The following SLC9A9 variants were observed in gnomAD, a reference collection of about 807,000 sequenced individuals.
The protein encoded by SLC9A9 is sodium/hydrogen exchanger 9.
A neutral mutation model predicts 77.8 loss-of-function variants in SLC9A9; 62 were observed. The observed-to-expected ratio is 0.80, with a 90% confidence interval of 0.65 to 0.98. SLC9A9 has a LOEUF of 0.98. Among genes scored for constraint, SLC9A9 ranks in the 50% least tolerant of loss-of-function variants. The pLI is 0.00. For synonymous variants in SLC9A9, 320 were observed against 283.5 expected (o/e 1.13, Z -1.29); for missense variants, 775 against 774.9 (o/e 1.00, Z 0.00).
intron 14 of SLC9A9, among the ~76,000 whole-genome samples, chr3:143,302,681 A>C (rs529265069): frequency 6.6e-6 from 1 of 152,178 alleles, no homozygotes; most frequent in African/African-American, 2.4e-5. Context: ...CAGAAAGGAC[A>C]GATCCTCCAA....
intron 14 of SLC9A9, among the ~76,000 whole-genome samples, chr3:143,310,935 T>G (rs903310846): frequency 6.6e-6 from 1 of 152,210 alleles, no homozygotes; most frequent in African/African-American, 2.4e-5. Flanking sequence ...TTTGGGAGGA[T>G]GTCTGAAGTC....
In SLC9A9 at chr3:143,578,754, G is replaced by C. The variant is rs374799165; in HGVS notation, c.756-31C>G. On this transcript the variant is annotated intron_variant, in intron 6 of 15. Transcript: ENST00000316549. ...AAGAGAAGAGGGTGGAGGTTAGTTA[G>C]TGACTTTCATCTCATAGCCCAGATA... 7.4e-6 allele frequency: 12 copies of C among 1,613,376 alleles called. No individual in the cohort carries two copies. The African/African-American group carries it at 1.6e-4, about 22-fold the overall frequency.
At chr3:143,696,566 A>G (rs1233163699) in intron 4 of SLC9A9, among the ~76,000 whole-genome samples, 1 of 152,214 alleles carries the variant, frequency 6.6e-6, no homozygotes, top group African/African-American at 2.4e-5. Flanking sequence ...TCATCCCTTC[A>G]GCCTCTTCTG....
At chr3:143,318,290 T>C (rs1435069034) in intron 14 of SLC9A9, among the ~76,000 whole-genome samples, 1 of 152,166 alleles carries the variant, frequency 6.6e-6, no homozygotes, top group Non-Finnish European at 1.5e-5. Flanking sequence ...AATAAACAAC[T>C]GAGAACGATA....
chr3:143,697,893 A>T (rs12490934), intron 4 of SLC9A9, among the ~76,000 whole-genome samples: 71,122 of 152,064 alleles, frequency 0.47, 16,943 homozygotes, highest in South Asian at 0.6. Flanking sequence ...AACATAGCAA[A>T]GGCCATTATC....
chr3:143,706,080 C>T (rs1205854189), intron 4 of SLC9A9, among the ~76,000 whole-genome samples: 1 of 152,192 alleles, frequency 6.6e-6, no homozygotes, highest in South Asian at 2.1e-4. Flanking sequence ...GAGGAGAATT[C>T]CAACAATGTT....
At chr3:143,612,849 C>G (rs2038044788) in intron 6 of SLC9A9, among the ~76,000 whole-genome samples, 1 of 152,118 alleles carries the variant, frequency 6.6e-6, no homozygotes, top group African/African-American at 2.4e-5. Flanking sequence ...AGAATTATCT[C>G]AATAGCAACT....
intron 6 of SLC9A9, among the ~76,000 whole-genome samples, chr3:143,629,962 C>T (rs1361267269): frequency 6.6e-6 from 1 of 152,060 alleles, no homozygotes; most frequent in Non-Finnish European, 1.5e-5. Context: ...GCAGAGAAAT[C>T]ATTTTTGGCA....
intron 14 of SLC9A9, among the ~76,000 whole-genome samples, chr3:143,354,898 A>T (rs2032548436): frequency 6.6e-6 from 1 of 152,220 alleles, no homozygotes; most frequent in South Asian, 2.1e-4. Flanking sequence ...CCTTTATCAC[A>T]GTAAGGTACA....
At chr3:143,696,962 T>G (rs1933659110) in intron 4 of SLC9A9, among the ~76,000 whole-genome samples, 2 of 152,020 alleles carry the variant, frequency 1.3e-5, no homozygotes, top group Admixed American at 1.3e-4. Context: ...TAGTTTCCTA[T>G]AAATTTATAC....
chr3:143,681,040 G>A (rs1933072408), intron 5 of SLC9A9, among the ~76,000 whole-genome samples: 1 of 152,144 alleles, frequency 6.6e-6, no homozygotes, highest in Non-Finnish European at 1.5e-5. Flanking sequence ...TCCACCAGGT[G>A]ACATATTCCA....
intron 14 of SLC9A9, among the ~76,000 whole-genome samples, chr3:143,332,193 C>A (rs1159138608): frequency 6.6e-6 from 1 of 152,140 alleles, no homozygotes; most frequent in African/African-American, 2.4e-5. Context: ...AATTCCAGAG[C>A]TCCCTTCTGT....
chr3:143,326,688 T>C (rs1812200), intron 14 of SLC9A9, among the ~76,000 whole-genome samples: 29,705 of 152,170 alleles, frequency 0.2, 3,134 homozygotes, highest in Middle Eastern at 0.3. Flanking sequence ...CTATTCTCCA[T>C]TGTGGCAAAT....
intron 4 of SLC9A9, among the ~76,000 whole-genome samples, chr3:143,737,765 A>G (rs1934978762): frequency 6.6e-6 from 1 of 152,158 alleles, no homozygotes; most frequent in Non-Finnish European, 1.5e-5. Context: ...GAATTGTGTT[A>G]TGGTAGAAAA....
chr3:143,426,119 A>G (rs2034400714), intron 12 of SLC9A9, among the ~76,000 whole-genome samples: 1 of 152,212 alleles, frequency 6.6e-6, no homozygotes, highest in African/African-American at 2.4e-5. Flanking sequence ...CCAAGAATCA[A>G]TTACATCCTT....
At chr3:143,702,275 C>T (rs1933824958) in intron 4 of SLC9A9, among the ~76,000 whole-genome samples, 1 of 152,068 alleles carries the variant, frequency 6.6e-6, no homozygotes, top group African/African-American at 2.4e-5. Context: ...ACTATTATAA[C>T]ACTGTGTCTG....
intron 9 of SLC9A9, among the ~76,000 whole-genome samples, chr3:143,538,484 A>G (rs2036630429): frequency 6.6e-6 from 1 of 152,206 alleles, no homozygotes; most frequent in Admixed American, 6.5e-5. Context: ...CCATTTAAGA[A>G]CACCTGAATA....
At chr3:143,510,876 A>T (rs1020089014) in intron 9 of SLC9A9, among the ~76,000 whole-genome samples, 1 of 152,130 alleles carries the variant, frequency 6.6e-6, no homozygotes, top group African/African-American at 2.4e-5. Context: ...AATGTTCAGA[A>T]GGAAAAGGGT....
chr3:143,691,077 T>C (rs983833939), intron 5 of SLC9A9, among the ~76,000 whole-genome samples: 1 of 152,272 alleles, frequency 6.6e-6, no homozygotes, highest in Admixed American at 6.5e-5. Flanking sequence ...TAGCATCTGA[T>C]ACTTGGTCTG....
Sources: allele counts gnomAD v4.1 joint callset (sites outside exome capture counted in the v4.1 genomes callset), GRCh38; gene constraint gnomAD v4.1.1; transcripts MANE v1.5; gene names NCBI Gene and HGNC (gene_info 2026-07-23, HGNC 2026-07-21).